SUPT20H: variants seen among roughly 807,000 people sequenced by gnomAD.
SUPT20H encodes SPT20 homolog, SAGA complex component, also known as transcription factor SPT20 homolog.
A neutral mutation model predicts 122.8 loss-of-function variants in SUPT20H; 82 were observed. That is an observed-to-expected ratio of 0.67 (90% CI 0.56 to 0.80). The LOEUF is 0.80. Among genes scored for constraint, SUPT20H ranks in the 30% least tolerant of loss-of-function variants. The pLI is 0.00. For synonymous variants in SUPT20H, 291 were observed against 313.0 expected, an observed-to-expected ratio of 0.93 and a Z score of 0.74; for missense variants, 831 against 921.6, an observed-to-expected ratio of 0.90 and a Z score of 1.27.
chr13:37,024,269 A>C, intron 18 of SUPT20H, 71 bp downstream of exon 18: 1 of 1,524,378 alleles, frequency 6.6e-7, no homozygotes, highest in Non-Finnish European at 8.8e-7. Flanking sequence ...AATGGGGCAA[A>C]GTTTTAAAAA....
At chr13:37,043,155 G>A (rs1190137122) in intron 7 of SUPT20H, among the ~76,000 whole-genome samples, 1 of 152,182 alleles carries the variant, frequency 6.6e-6, no homozygotes, top group Non-Finnish European at 1.5e-5. Context: ...TCCTTGAGAA[G>A]GAAGGGGAGG....
intron 1 of SUPT20H, among the ~76,000 whole-genome samples, chr13:37,054,336 T>C (rs2068442780): frequency 6.6e-6 from 1 of 152,162 alleles, no homozygotes; most frequent in Non-Finnish European, 1.5e-5. Flanking sequence ...TTTAGACCAA[T>C]ATCCCTGATG....
chr13:37,055,563 T>A (rs978732124), intron 1 of SUPT20H, among the ~76,000 whole-genome samples: 1 of 152,170 alleles, frequency 6.6e-6, no homozygotes, highest in African/African-American at 2.4e-5. Context: ...TGGCTAGCCA[T>A]ATGTAGAAAG....
At chr13:37,046,789 T>A (rs187057173) in intron 5 of SUPT20H, 12 of 152,194 alleles carry the variant, frequency 7.9e-5, no homozygotes, top group Admixed American at 7.9e-4. Flanking sequence ...ATGTCAAGTA[T>A]GTATCAGTAG....
intron 17 of SUPT20H, 152 bp from the exon 18 acceptor site, chr13:37,024,594 C>G (rs1452735614): frequency 6.5e-6 from 3 of 464,110 alleles, no homozygotes; most frequent in Non-Finnish European, 1.1e-5. Flanking sequence ...TTAGTGGTTA[C>G]AGATTGAATA....
At chr13:37,013,313 CT>C (rs1395097706) in intron 23 of SUPT20H, 11 of 152,080 alleles carry the variant, frequency 7.2e-5, no homozygotes, top group Admixed American at 6.5e-4. Context: ...ACCCAACTGA[CT>C]TTTAACAAAT....
intron 16 of SUPT20H, 75 bp downstream of exon 16, chr13:37,026,129 G>T: frequency 8.2e-7 from 1 of 1,225,210 alleles, no homozygotes; most frequent in Non-Finnish European, 1.2e-6. Context: ...TTAACTCCTA[G>T]TATTCTCTAT....
At chr13:37,024,883 A>AT (rs771104651) in intron 17 of SUPT20H, 1 of 172,464 alleles carries the variant, frequency 5.8e-6, no homozygotes, top group Non-Finnish European at 1.2e-5. Flanking sequence ...GAGTTAAATA[A>AT]TTTTAAAAAA....
intron 9 of SUPT20H, among the ~76,000 whole-genome samples, chr13:37,037,832 A>G (rs6563509): frequency 0.85 from 129,144 of 152,136 alleles, 55,552 homozygotes; most frequent in East Asian, 1. Context: ...TATCTTGATA[A>G]CTAAGGCTAT....
intron 1 of SUPT20H, among the ~76,000 whole-genome samples, chr13:37,056,139 A>G (rs2068956599): frequency 6.6e-6 from 1 of 152,226 alleles, no homozygotes; most frequent in Non-Finnish European, 1.5e-5. Context: ...GGATGTGGAG[A>G]AATAGGAACA....
At chr13:37,024,530 T>A in intron 17 of SUPT20H, 88 bp from the exon 18 acceptor site, 1 of 896,666 alleles carries the variant, frequency 1.1e-6, no homozygotes, top group Non-Finnish European at 1.6e-6. Context: ...CATAGTTTAT[T>A]AAATAAAATT....
chr13:37,054,072 A>T (rs1363961411), intron 1 of SUPT20H, among the ~76,000 whole-genome samples: 1 of 152,244 alleles, frequency 6.6e-6, no homozygotes. Context: ...AACCAGGAAG[A>T]AGTTGAATCT....
chr13:37,021,862 A>G, intron 20 of SUPT20H, 149 bp downstream of exon 20: 2 of 962,848 alleles, frequency 2.1e-6, no homozygotes, highest in Non-Finnish European at 3.0e-6. Context: ...TAAAACATAC[A>G]TGGTCAGGCA....
chr13:37,031,661 CAATATA>C, intron 11 of SUPT20H, 38 bp from the exon 12 acceptor site: 3 of 1,541,366 alleles, frequency 1.9e-6, no homozygotes, highest in Non-Finnish European at 2.6e-6. Context: ...AAATTAAAAA[CAATATA>C]AATATACTGA....
At position 37,040,834 on chromosome 13, in the gene SUPT20H, T is replaced by A. The variant is rs1017458318; in HGVS notation, c.397-142A>T. 4.8e-6 allele frequency: 3 copies of A among 619,356 alleles called. No homozygotes were observed. The African/African-American group carries it at 5.5e-5, about 11-fold the overall frequency. The allele number at this position is 619,356 out of a possible 1,614,324, so 38.4% of individuals were successfully genotyped here. A position where few individuals can be genotyped will look rare whatever the true frequency, so the allele number is the denominator to read the frequency against. ...TGTACTCTTCAGTAGATTTCCTTGG[T>A]AGATTTAACACTATGTAAACCTTTT... On this transcript the variant is annotated intron_variant, in intron 7 of 25. Coordinates refer to ENST00000350612, the MANE Select transcript of SUPT20H (RefSeq NM_001014286.3).
chr13:37,043,373 G>GCC (rs1325733520), intron 7 of SUPT20H, among the ~76,000 whole-genome samples: 1 of 152,072 alleles, frequency 6.6e-6, no homozygotes, highest in Non-Finnish European at 1.5e-5. Flanking sequence ...GAAGAAAGTA[G>GCC]AACAGGGCAA....
chr13:37,023,814 C>T lies in SUPT20H; in HGVS notation c.1591+221G>A, dbSNP rs1045731320. 7.8e-5 allele frequency: 30 copies of T among 385,576 alleles called. 1 individual carries two copies. The highest frequency in any genetic ancestry group is 1.9e-4 in the African/African-American group (9 of 48,046). The allele number at this position is 385,576 out of a possible 1,614,324, so 23.9% of individuals were successfully genotyped here. A position where few individuals can be genotyped will look rare whatever the true frequency, so the allele number is the denominator to read the frequency against. ...GTTGTAAGCCTATAAGAAAGGTACA[C>T]GCAGAATGTATACACAGATACAGAA... On this transcript the variant is annotated intron_variant, in intron 19 of 25. Coordinates refer to ENST00000350612, the MANE Select transcript of SUPT20H (RefSeq NM_001014286.3).
At chr13:37,019,827 AT>A (rs539188653) in intron 21 of SUPT20H, among the ~76,000 whole-genome samples, 15 of 151,338 alleles carry the variant, frequency 9.9e-5, no homozygotes, top group African/African-American at 2.9e-4. Context: ...GCTTTATGCT[AT>A]TTTTTTTTAA....
intron 14 of SUPT20H, 49 bp from the exon 15 acceptor site, chr13:37,026,865 T>C: frequency 8.1e-7 from 1 of 1,230,062 alleles, no homozygotes; most frequent in Non-Finnish European, 1.1e-6. Context: ...GCTCAAACTT[T>C]AACTTCATAG....
Sources: allele counts gnomAD v4.1 joint callset (sites outside exome capture counted in the v4.1 genomes callset), GRCh38; gene constraint gnomAD v4.1.1; transcripts MANE v1.5; gene names NCBI Gene and HGNC (gene_info 2026-07-23, HGNC 2026-07-21).